The following LRPPRC variants were observed in gnomAD, a reference collection of about 807,000 sequenced individuals.
LRPPRC encodes the protein leucine rich pentatricopeptide repeat containing.
LRPPRC carries 120 observed loss-of-function variants against 180.3 expected under a neutral mutation model. That is an observed-to-expected ratio of 0.67 (90% CI 0.57 to 0.77). The LOEUF (loss-of-function observed/expected upper bound fraction) is 0.77. LRPPRC is among the 30% of genes least tolerant of loss of function. The pLI is 0.00. For missense variants in LRPPRC, 2,012 were observed against 1,657.2 expected, an observed-to-expected ratio of 1.21 and a Z score of -3.72; for synonymous variants, 723 against 600.0, an observed-to-expected ratio of 1.21 and a Z score of -3.00.
At position 43,914,474 on chromosome 2, in the gene LRPPRC, T is replaced by C. The variant is rs113074062; in HGVS notation, c.3149-1916A>G. 3.9e-3 allele frequency among the ~76,000 whole-genome samples: 593 copies of C among 152,300 alleles called. 7 individuals carry two copies. The highest frequency in any genetic ancestry group is 0.013 in the African/African-American group (547 of 41,566). On this transcript the variant is annotated intron_variant, in intron 29 of 37. Coordinates refer to ENST00000260665, the MANE Select transcript of LRPPRC (RefSeq NM_133259.4). ...CAGGCACAGTGGCTCATGCCTGTAA[T>C]CCCAGCACTTTGGGAGGCCAAAGTA...
At chr2:43,919,915 C>T (rs755802810) in intron 27 of LRPPRC, among the ~76,000 whole-genome samples, 5 of 151,520 alleles carry the variant, frequency 3.3e-5, no homozygotes, top group African/African-American at 4.9e-5. Context: ...ACATTTGTTC[C>T]TCAGCATTTT....
intron 1 of LRPPRC, among the ~76,000 whole-genome samples, 196 bp downstream of exon 1, chr2:43,995,603 C>T (rs960943455): frequency 1.3e-5 from 2 of 152,228 alleles, no homozygotes; most frequent in East Asian, 1.9e-4. Flanking sequence ...TGCCCACAGC[C>T]GTGACCTTCT....
chr2:43,903,577 G>C (rs1670962746), intron 31 of LRPPRC: 2 of 140,972 alleles, frequency 1.4e-5, no homozygotes, highest in Admixed American at 1.4e-4. Context: ...CAGGGAGGGG[G>C]GTGGGGTGGG....
At chr2:43,897,063 G>A (rs1194238070) in intron 34 of LRPPRC, among the ~76,000 whole-genome samples, 1 of 152,200 alleles carries the variant, frequency 6.6e-6, no homozygotes, top group Non-Finnish European at 1.5e-5. Flanking sequence ...TCACAAGTGA[G>A]CTAGGGATCA....
chr2:43,901,752 C>T, intron 31 of LRPPRC: 1 of 519,198 alleles, frequency 1.9e-6, no homozygotes, highest in Non-Finnish European at 3.4e-6. Flanking sequence ...CTTTAAGTCA[C>T]AGAGAAAATA....
intron 11 of LRPPRC, among the ~76,000 whole-genome samples, chr2:43,968,747 G>C (rs915311949): frequency 1.3e-5 from 2 of 152,192 alleles, no homozygotes; most frequent in African/African-American, 4.8e-5. Flanking sequence ...ATTGGTCAAA[G>C]GGCACGAACT....
At chr2:43,942,919 G>A (rs750227220) in intron 23 of LRPPRC, among the ~76,000 whole-genome samples, 54 of 151,670 alleles carry the variant, frequency 3.6e-4, no homozygotes, top group Non-Finnish European at 7.1e-4. Context: ...TTCTATTTTT[G>A]TTTGCCTAGG....
intron 11 of LRPPRC, among the ~76,000 whole-genome samples, chr2:43,969,211 G>C (rs200285716): frequency 1.3e-5 from 2 of 152,162 alleles, no homozygotes; most frequent in African/African-American, 4.8e-5. Context: ...AGGAGATCGA[G>C]ACCATTCTGG....
intron 26 of LRPPRC, 23 bp downstream of exon 26, chr2:43,925,870 A>C (rs1357198652): frequency 3.2e-6 from 5 of 1,554,298 alleles, no homozygotes; most frequent in South Asian, 1.1e-5. Context: ...TAGGTGATTG[A>C]GACATCTGAA....
chr2:43,915,198 ACTCTCTCTCTCT>A (rs142492838), intron 29 of LRPPRC, among the ~76,000 whole-genome samples: 5 of 63,386 alleles, frequency 7.9e-5, no homozygotes, highest in Non-Finnish European at 7.6e-5. Context: ...ACAGAACAAG[ACTCTCTCTCTCT>A]CTCTCTCTCT....
At chr2:43,963,441 T>C in intron 12 of LRPPRC, 147 bp downstream of exon 12, 1 of 679,958 alleles carries the variant, frequency 1.5e-6, no homozygotes, top group Non-Finnish European at 2.6e-6. Context: ...AGAAACTCCA[T>C]CTCAAAAAAA....
chr2:43,909,611 T>TTAATAATAA (rs10542740), intron 30 of LRPPRC, among the ~76,000 whole-genome samples: 147 of 143,716 alleles, frequency 1.0e-3, no homozygotes, highest in African/African-American at 2.2e-3. Context: ...AAAAACCCAA[T>TTAATAATAA]TAATAATAAT....
chr2:43,959,307 AAC>A (rs1673244167), intron 13 of LRPPRC: 2 of 672,058 alleles, frequency 3.0e-6, no homozygotes, highest in Admixed American at 4.5e-5. Context: ...AAATAACTAC[AAC>A]AGTCACCATT....
At chr2:43,932,319 C>T (rs62135060) in intron 25 of LRPPRC, among the ~76,000 whole-genome samples, 12,432 of 151,992 alleles carry the variant, frequency 0.082, 588 homozygotes, top group South Asian at 0.13. Context: ...ATTTCCACAA[C>T]GCTTCAAATA....
chr2:43,918,002 C>T (rs1159623449), intron 29 of LRPPRC, 23 bp downstream of exon 29: 3 of 1,507,102 alleles, frequency 2.0e-6, no homozygotes, highest in East Asian at 2.3e-5. Context: ...CCCACACACA[C>T]CCCCATCCCC....
At chr2:43,991,512 T>C (rs981662442) in intron 1 of LRPPRC, among the ~76,000 whole-genome samples, 6 of 152,226 alleles carry the variant, frequency 3.9e-5, no homozygotes, top group Non-Finnish European at 7.3e-5. Context: ...TCAAAGCTTA[T>C]CTTTCCTCTG....
chr2:43,987,960 C>A (rs9309113), intron 1 of LRPPRC, among the ~76,000 whole-genome samples: 2 of 152,096 alleles, frequency 1.3e-5, no homozygotes, highest in African/African-American at 4.8e-5. Flanking sequence ...AAAGAAACAA[C>A]GGGCCAGGCA....
At chr2:43,968,545 T>C (rs1052520561) in intron 11 of LRPPRC, among the ~76,000 whole-genome samples, 1 of 152,114 alleles carries the variant, frequency 6.6e-6, no homozygotes, top group African/African-American at 2.4e-5. Context: ...AACTCCAAGG[T>C]TTCAATCAGG....
intron 14 of LRPPRC, among the ~76,000 whole-genome samples, chr2:43,951,842 T>C (rs944357941): frequency 1.8e-4 from 27 of 152,320 alleles, no homozygotes; most frequent in Non-Finnish European, 3.7e-4. Context: ...TATTTATTTA[T>C]TTTTAAAATT....
Sources: gnomAD v4.1 joint callset for allele counts (sites outside exome capture counted in the v4.1 genomes callset) on GRCh38, gnomAD v4.1.1 for gene constraint, MANE v1.5 for transcripts, NCBI Gene and HGNC (gene_info 2026-07-23, HGNC 2026-07-21) for gene names.